The following DYNC1I1 variants were observed in gnomAD, a reference collection of about 807,000 sequenced individuals.
DYNC1I1 encodes the protein cytoplasmic dynein 1 intermediate chain 1.
In DYNC1I1, 43 loss-of-function variants were observed where a neutral mutation model predicts 86.6. The ratio of observed to expected loss-of-function variants is 0.50; its 90% CI spans 0.39 to 0.64. The LOEUF (loss-of-function observed/expected upper bound fraction) is 0.64. DYNC1I1 is among the 30% of genes least tolerant of loss of function. The pLI, the probability that DYNC1I1 is intolerant of heterozygous loss-of-function variation, is 0.00. For missense variants in DYNC1I1, 604 were observed against 788.8 expected (o/e 0.77, Z 2.81); for synonymous variants, 262 against 283.7 (o/e 0.92, Z 0.77).
At chr7:95,929,031 C>A (rs1791819718) in intron 6 of DYNC1I1, among the ~76,000 whole-genome samples, 1 of 152,134 alleles carries the variant, frequency 6.6e-6, no homozygotes, top group Non-Finnish European at 1.5e-5. Flanking sequence ...AAGAGTCCTG[C>A]AACTGGGTAC....
chr7:95,874,282 A>G (rs1322779323), intron 6 of DYNC1I1, among the ~76,000 whole-genome samples: 1 of 152,228 alleles, frequency 6.6e-6, no homozygotes, highest in Non-Finnish European at 1.5e-5. Flanking sequence ...CAGCTATGGC[A>G]GATAACCAAC....
At chr7:96,109,938 C>T (rs916651743) in intron 16 of DYNC1I1, 5 of 283,384 alleles carry the variant, frequency 1.8e-5, no homozygotes, top group Non-Finnish European at 2.8e-5. Context: ...TATATATGTA[C>T]TGATTTTCTG....
chr7:95,822,734 A>C (rs971730512), intron 4 of DYNC1I1, among the ~76,000 whole-genome samples: 2 of 152,256 alleles, frequency 1.3e-5, no homozygotes, highest in Admixed American at 6.5e-5. Context: ...AATTGAAACT[A>C]ATCAGAGCAG....
At position 96,028,676 on chromosome 7, in the gene DYNC1I1, A is replaced by C. The variant is rs77410244; in HGVS notation, c.1116+355A>C. On this transcript the variant is annotated intron_variant, in intron 11 of 16. Transcript: ENST00000447467. Reference sequence around the variant, plus strand: ...ACACGTATTTTCAAATAGATCCTGAAGAGTAAGGATTTCACATCAAGGGAT... The same window carrying C: ...ACACGTATTTTCAAATAGATCCTGACGAGTAAGGATTTCACATCAAGGGAT... Among the ~76,000 whole-genome samples the C allele has an allele frequency of 8.2e-3, 1,250 of 152,326 alleles. 9 individuals are homozygous for C. The highest frequency in any genetic ancestry group is 0.028 in the African/African-American group (1,177 of 41,578).
chr7:95,872,065 C>T lies in DYNC1I1; in HGVS notation c.490+2067C>T, dbSNP rs188804327. ...GGCTGCCGGCAGTCACCCGGCTGCC[C>T]GGCCATAGAGGGTGCTGGTGCTCAC... On this transcript the variant is annotated intron_variant, in intron 6 of 16. Transcript: ENST00000447467. Among the ~76,000 whole-genome samples, 9 of 152,326 alleles carry T rather than the reference C, an allele frequency of 5.9e-5. No individual in the cohort carries two copies. In the East Asian group the frequency reaches 1.2e-3, roughly 20 times the overall value.
intron 14 of DYNC1I1, among the ~76,000 whole-genome samples, chr7:96,062,841 C>T (rs1789824209): frequency 6.6e-6 from 1 of 152,182 alleles, no homozygotes; most frequent in African/African-American, 2.4e-5. Context: ...GTGCAGAAGA[C>T]TTCTGTCTCA....
chr7:95,779,470 C>A, intron 1 of DYNC1I1, among the ~76,000 whole-genome samples: 1 of 152,180 alleles, frequency 6.6e-6, no homozygotes, highest in East Asian at 1.9e-4. Context: ...ATGCTAAATA[C>A]CATAATTCTT....
intron 16 of DYNC1I1, among the ~76,000 whole-genome samples, chr7:96,086,662 A>G (rs925180381): frequency 3.9e-5 from 6 of 152,216 alleles, no homozygotes; most frequent in Non-Finnish European, 8.8e-5. Flanking sequence ...AATAAGTATA[A>G]TACATTTGAC....
intron 5 of DYNC1I1, among the ~76,000 whole-genome samples, chr7:95,837,935 C>G (rs564814454): frequency 2.6e-5 from 4 of 152,208 alleles, no homozygotes; most frequent in African/African-American, 9.6e-5. Context: ...TCTTCTGCGT[C>G]GCTCACGCTG....
chr7:95,916,989 G>GCTGA (rs1458886963), intron 6 of DYNC1I1, among the ~76,000 whole-genome samples: 1 of 152,166 alleles, frequency 6.6e-6, no homozygotes, highest in Non-Finnish European at 1.5e-5. Flanking sequence ...GGAGCCCTTA[G>GCTGA]CTGACCCACA....
chr7:95,857,954 G>C (rs981828651), intron 5 of DYNC1I1, among the ~76,000 whole-genome samples: 8 of 152,180 alleles, frequency 5.3e-5, no homozygotes, highest in African/African-American at 1.4e-4. Context: ...TCTTTGCTTT[G>C]TCTGTGATCA....
At chr7:95,974,901 A>G (rs996616224) in intron 6 of DYNC1I1, among the ~76,000 whole-genome samples, 3 of 152,220 alleles carry the variant, frequency 2.0e-5, no homozygotes, top group Non-Finnish European at 4.4e-5. Flanking sequence ...GCAATAGAAC[A>G]TTGCAGCTGC....
In DYNC1I1 at chr7:95,907,240, C is replaced by T. The variant is rs73393005; in HGVS notation, c.490+37242C>T. ...TGGATACGAGCATATATCCTTGCCCCGCTTTTTCATGTTTGAAGCAGCCTT... is the reference window on the plus strand; with the variant it reads ...TGGATACGAGCATATATCCTTGCCCTGCTTTTTCATGTTTGAAGCAGCCTT... On this transcript the variant is annotated intron_variant, in intron 6 of 16. Coordinates refer to ENST00000447467, the MANE Select transcript of DYNC1I1 (RefSeq NM_001135556.2). Among the ~76,000 whole-genome samples, 1,471 of 152,238 alleles carry T rather than the reference C, an allele frequency of 9.7e-3. 24 individuals are homozygous for T. Among genetic ancestry groups the T allele is most frequent in the African/African-American group, 0.034 (1,430 of 41,532 alleles).
intron 14 of DYNC1I1, among the ~76,000 whole-genome samples, chr7:96,057,254 G>C (rs953781883): frequency 2.0e-5 from 3 of 152,128 alleles, no homozygotes; most frequent in Admixed American, 6.6e-5. Flanking sequence ...TTTGGAAATG[G>C]GTGTGCTCAG....
chr7:95,915,263 A>G (rs951738948), intron 6 of DYNC1I1, among the ~76,000 whole-genome samples: 2 of 152,232 alleles, frequency 1.3e-5, no homozygotes, highest in Non-Finnish European at 2.9e-5. Context: ...GTGCATTATT[A>G]TCTCCAGTAC....
intron 5 of DYNC1I1, among the ~76,000 whole-genome samples, chr7:95,856,114 G>GT (rs910955975): frequency 5.9e-5 from 9 of 151,732 alleles, no homozygotes; most frequent in South Asian, 2.1e-4. Flanking sequence ...CAAAAATACT[G>GT]TTTTTTTTAA....
At chr7:95,814,047 A>G (rs760214964) in intron 4 of DYNC1I1, among the ~76,000 whole-genome samples, 7 of 152,214 alleles carry the variant, frequency 4.6e-5, no homozygotes, top group Non-Finnish European at 1.0e-4. Context: ...AAATCTCCGA[A>G]TCCAGCTGTC....
chr7:95,782,910 A>G (rs1470746354), intron 1 of DYNC1I1, among the ~76,000 whole-genome samples: 1 of 152,158 alleles, frequency 6.6e-6, no homozygotes, highest in Non-Finnish European at 1.5e-5. Context: ...CTCGATGTTC[A>G]GATGTCCCTT....
chr7:95,942,549 G>C (rs1792259946), intron 6 of DYNC1I1, among the ~76,000 whole-genome samples: 1 of 152,162 alleles, frequency 6.6e-6, no homozygotes, highest in Admixed American at 6.5e-5. Flanking sequence ...TGATACCAAA[G>C]CTTGGCAGAG....
Sources: gnomAD v4.1 joint callset for allele counts (sites outside exome capture counted in the v4.1 genomes callset) on GRCh38, gnomAD v4.1.1 for gene constraint, MANE v1.5 for transcripts, NCBI Gene and HGNC (gene_info 2026-07-23, HGNC 2026-07-21) for gene names.